SDK2: variants seen among roughly 807,000 people sequenced by gnomAD.
SDK2 encodes sidekick cell adhesion molecule 2.
Under a neutral mutation model 253.9 loss-of-function variants are expected in SDK2, and 105 were observed. The observed-to-expected ratio is 0.41, with a 90% CI of 0.35 to 0.49. The LOEUF (loss-of-function observed/expected upper bound fraction) is 0.49, where lower values mean the gene tolerates loss of function less well. Ranked by LOEUF, SDK2 falls within the 20% of genes least tolerant of loss-of-function variation. SDK2 has a pLI of 0.06. For synonymous variants in SDK2, 1,249 were observed against 1,234.9 expected (o/e 1.01, Z -0.24); for missense variants, 2,608 against 3,003.0 (o/e 0.87, Z 3.07).
intron 15 of SDK2, among the ~76,000 whole-genome samples, chr17:73,421,743 T>C (rs1473337618): frequency 6.6e-6 from 1 of 151,852 alleles, no homozygotes; most frequent in East Asian, 1.9e-4. Flanking sequence ...CATATTTTAG[T>C]AGAGACTGGG....
chr17:73,467,174 G>A lies in SDK2; in HGVS notation c.331+4938C>T, dbSNP rs2063607677. Reference sequence around the variant, plus strand: ...TGCATTTGCAGAGCTGTTTGGACATGGATTATTACAGCCCAGGGCTGTCCC... The same window carrying A: ...TGCATTTGCAGAGCTGTTTGGACATAGATTATTACAGCCCAGGGCTGTCCC... On this transcript the variant is annotated intron_variant, in intron 3 of 44. Transcript: ENST00000392650. This position sits in a 1 kb window ranked among gnomAD's most constrained non-coding sequence, Gnocchi z 4.1. Among the ~76,000 whole-genome samples, 1 of 152,058 alleles carries A rather than the reference G, an allele frequency of 6.6e-6. No homozygotes were observed. The highest frequency in any genetic ancestry group is 6.6e-5 in the Admixed American group (1 of 15,264).
At chr17:73,483,225 G>A (rs951590864) in intron 2 of SDK2, among the ~76,000 whole-genome samples, 2 of 151,556 alleles carry the variant, frequency 1.3e-5, no homozygotes, top group African/African-American at 4.9e-5. Context: ...CTGTGTCTGA[G>A]CCCAGCTGGG....
chr17:73,526,698 T>A (rs2064128880), intron 1 of SDK2, among the ~76,000 whole-genome samples: 1 of 152,142 alleles, frequency 6.6e-6, no homozygotes, highest in African/African-American at 2.4e-5. Context: ...TGTGCATATG[T>A]GTGTATTTGT....
At position 73,440,866 on chromosome 17, in the gene SDK2, G is replaced by C. The variant is rs753796931; in HGVS notation, c.671C>G (p.Thr224Ser). ...CTCTGAGGTGCCGGCCACCACGCTG[G>C]TGTTTTTAGGTGGGATGATGATGGT... is the stretch of plus-strand genomic sequence containing the variant. ...APTIIIPPKN[T>S]SVVAGTSEVT... Residue 224 changes from threonine (T) to serine (S), a missense_variant, in exon 6 of 45, where the codon ACC (threonine) becomes AGC (serine). Transcript: ENST00000392650. The C allele has an allele frequency of 2.2e-5, 34 of 1,551,630 alleles. No homozygotes were observed. The highest frequency in any genetic ancestry group is 1.4e-4 in the Admixed American group (7 of 50,984).
intron 36 of SDK2, among the ~76,000 whole-genome samples, chr17:73,376,922 A>C (rs1053939202): frequency 1.3e-5 from 2 of 150,196 alleles, no homozygotes; most frequent in Admixed American, 6.6e-5. Flanking sequence ...ATTCCATCCT[A>C]AATCGGGACT....
chr17:73,431,677 C>T lies in SDK2; in HGVS notation c.1313-8G>A, dbSNP rs1291042973. On this transcript the variant is annotated splice_polypyrimidine_tract_variant and splice_region_variant and intron_variant, in intron 10 of 44. Coordinates refer to ENST00000392650, the MANE Select transcript of SDK2 (RefSeq NM_001144952.2). The surrounding 1 kb of genome is among the most constrained non-coding windows in gnomAD (Gnocchi z 5.6). ...TGGCCAAGATGCGCTCCCCTGAGGG[C>T]AAAACAGGGTGGGGGTCAGCCTGTA... 6.3e-7 allele frequency: 1 copy of T among 1,599,086 alleles called. No individual in the cohort carries two copies. Among genetic ancestry groups the T allele is most frequent in the Middle Eastern group, 1.9e-4 (1 of 5,246 alleles).
intron 2 of SDK2, among the ~76,000 whole-genome samples, chr17:73,484,847 T>G (rs901953155): frequency 3.3e-5 from 5 of 152,218 alleles, no homozygotes; most frequent in African/African-American, 1.2e-4. Flanking sequence ...AGAGATGGGA[T>G]CTCACTATGT....
In SDK2 at chr17:73,474,170, T is replaced by C. The variant is rs573868668; in HGVS notation, c.225-1952A>G. 1.4e-4 allele frequency among the ~76,000 whole-genome samples: 21 copies of C among 152,260 alleles called. No individual in the cohort carries two copies. The East Asian group carries it at 3.9e-3, about 28-fold the overall frequency. ...GCATGAGCCACCGCACCCAGCCAAT[T>C]TTTAACAAATTTTTAAACTTAAATT... On this transcript the variant is annotated intron_variant, in intron 2 of 44. Coordinates refer to ENST00000392650, the MANE Select transcript of SDK2 (RefSeq NM_001144952.2).
chr17:73,414,148 A>C (rs1170826985), intron 18 of SDK2, among the ~76,000 whole-genome samples: 2 of 151,528 alleles, frequency 1.3e-5, no homozygotes, highest in Non-Finnish European at 2.9e-5. Flanking sequence ...CCCAGGTTCA[A>C]GTGATTCTCC....
chr17:73,363,925 T>C (rs2062662559), intron 38 of SDK2, among the ~76,000 whole-genome samples: 1 of 151,846 alleles, frequency 6.6e-6, no homozygotes, highest in African/African-American at 2.4e-5. Flanking sequence ...AGCTCCCCTT[T>C]GCAGAACGAG....
intron 1 of SDK2, among the ~76,000 whole-genome samples, chr17:73,604,683 T>G (rs571395037): frequency 6.6e-6 from 1 of 151,960 alleles, no homozygotes; most frequent in Admixed American, 6.5e-5. Flanking sequence ...AGCATTAGGG[T>G]TTCAGGCCTA....
chr17:73,384,876 G>T (rs2062859571), intron 32 of SDK2, among the ~76,000 whole-genome samples: 1 of 152,192 alleles, frequency 6.6e-6, no homozygotes, highest in Non-Finnish European at 1.5e-5. Context: ...CTCAGGCTTT[G>T]TTAGCTCCTT....
Position 73,438,096 on chromosome 17 carries a change from T to G in SDK2, c.784A>C (p.Ile262Leu), listed in dbSNP as rs1158294274. Residue 262 changes from isoleucine (I) to leucine (L), a missense_variant, in exon 7 of 45, where the codon ATC (isoleucine) becomes CTC (leucine). This residue lies in a region of SDK2 where 1,505 missense variants were observed against 1,859.1 expected (regional missense o/e 0.81). Coordinates refer to ENST00000392650, the MANE Select transcript of SDK2 (RefSeq NM_001144952.2). ...KKDGVLLSGG[I>L]SDHNRRLTIP... ...GTGAGCCGGCGGTTGTGGTCACTGA[T>G]GCCGCCCGACAGCAATACCCCGTCC... 1.9e-6 allele frequency: 3 copies of G among 1,551,570 alleles called. No individual in the cohort carries two copies. The highest frequency in any genetic ancestry group is 2.6e-6 in the Non-Finnish European group (3 of 1,147,012).
intron 1 of SDK2, among the ~76,000 whole-genome samples, chr17:73,558,188 G>A (rs948936011): frequency 1.3e-5 from 2 of 152,238 alleles, no homozygotes; most frequent in Non-Finnish European, 2.9e-5. Flanking sequence ...AGTTCTGCCA[G>A]TAGATTGATG....
intron 36 of SDK2, among the ~76,000 whole-genome samples, chr17:73,375,624 C>G (rs927960406): frequency 3.9e-4 from 60 of 152,204 alleles, no homozygotes; most frequent in Admixed American, 3.4e-3. Context: ...TTTGGGAGAC[C>G]GAGGGCGGAT....
chr17:73,550,014 A>C (rs1599670189), intron 1 of SDK2, among the ~76,000 whole-genome samples: 1 of 151,478 alleles, frequency 6.6e-6, no homozygotes, highest in East Asian at 2.0e-4. Flanking sequence ...ACACTAATGC[A>C]CCCCTCCCGC....
chr17:73,549,800 G>A lies in SDK2; in HGVS notation c.65-42203C>T, dbSNP rs1323614512. 3.3e-5 allele frequency among the ~76,000 whole-genome samples: 5 copies of A among 152,152 alleles called. No homozygotes were observed. The East Asian group carries it at 5.8e-4, about 18-fold the overall frequency. ...TGAGAGCGGGGCTCAAGATGTGAGC[G>A]AGGTGGCATGATGAGAGGCACTGAA... On this transcript the variant is annotated intron_variant, in intron 1 of 44. Coordinates refer to ENST00000392650, the MANE Select transcript of SDK2 (RefSeq NM_001144952.2).
chr17:73,382,122 C>T (rs932680157), intron 33 of SDK2, among the ~76,000 whole-genome samples: 6 of 150,456 alleles, frequency 4.0e-5, no homozygotes, highest in Admixed American at 2.7e-4. Flanking sequence ...AGGCCTCAGG[C>T]AGGAGAATCG....
At chr17:73,440,744 GGAGCCC>G in intron 6 of SDK2, 62 bp downstream of exon 6, 1 of 1,180,282 alleles carries the variant, frequency 8.5e-7, no homozygotes, top group East Asian at 2.6e-5. Context: ...TGCTCTCCCT[GGAGCCC>G]GCAGTTTGGG....
Sources: allele counts gnomAD v4.1 joint callset (sites outside exome capture counted in the v4.1 genomes callset), GRCh38; gene constraint gnomAD v4.1.1; regional missense constraint gnomAD v4.1.1; non-coding constraint Gnocchi (gnomAD v3.1); transcripts MANE v1.5; gene names NCBI Gene and HGNC (gene_info 2026-07-23, HGNC 2026-07-21).